CYREN: variants seen among roughly 807,000 people sequenced by gnomAD.
CYREN encodes the protein cell cycle regulator of NHEJ.
CYREN carries 7 observed loss-of-function variants against 9.7 expected under a neutral mutation model. The observed-to-expected ratio is 0.72, with a 90% CI of 0.41 to 1.36. The LOEUF is 1.36. Among genes scored for constraint, CYREN ranks in the 40% most tolerant of loss-of-function variants. CYREN has a pLI of 0.01. For synonymous variants in CYREN, 76 were observed against 77.9 expected (o/e 0.98, Z 0.13); for missense variants, 215 against 198.1 (o/e 1.09, Z -0.51).
At chr7:135,128,663 G>C in intron 2 of CYREN, 1 of 1,070,652 alleles carries the variant, frequency 9.3e-7, no homozygotes, top group South Asian at 1.3e-5. Context: ...TTAAGGAAGA[G>C]ACCCTAGTAT....
intron 2 of CYREN, among the ~76,000 whole-genome samples, chr7:135,155,541 C>T (rs1829771320): frequency 6.6e-6 from 1 of 152,118 alleles, no homozygotes; most frequent in Admixed American, 6.6e-5. Context: ...TGAATATCAA[C>T]CTTTTGGCTG....
intron 2 of CYREN, among the ~76,000 whole-genome samples, chr7:135,156,517 G>A (rs1829797851): frequency 6.6e-6 from 1 of 151,822 alleles, no homozygotes; most frequent in Non-Finnish European, 1.5e-5. Context: ...AGCATATGGT[G>A]TATTTCCTTC....
upstream of CYREN, among the ~76,000 whole-genome samples, chr7:135,172,352 G>A (rs910126111): frequency 1.3e-5 from 2 of 151,824 alleles, no homozygotes; most frequent in African/African-American, 2.4e-5. Flanking sequence ...TGAATTTTTT[G>A]GTACTCGGAT....
At chr7:135,129,613 C>T in intron 2 of CYREN, 1 of 775,670 alleles carries the variant, frequency 1.3e-6, no homozygotes, top group Non-Finnish European at 2.4e-6. Context: ...TTCACTGATC[C>T]TGCTTCAACA....
chr7:135,166,698 C>T lies in CYREN; in HGVS notation c.387G>A (p.Gly129=). The change falls in exon 4 of 4, where the codon GGG becomes GGA. Residue 129 remains glycine (G), a synonymous_variant. Transcript: ENST00000393114. ...TCCTGCTACAGGCAGAGCTGGAACCCCCCGGCCTCTGGGAAGGGCTGAGGC... is the reference window on the plus strand; with the variant it reads ...TCCTGCTACAGGCAGAGCTGGAACCTCCCGGCCTCTGGGAAGGGCTGAGGC... ...APGLSPSQRP[G]GSSSACSRSP... The T allele has an allele frequency of 6.2e-7, 1 of 1,613,046 alleles. No homozygotes were observed. The highest frequency in any genetic ancestry group is 8.5e-7 in the Non-Finnish European group (1 of 1,180,036).
chr7:135,131,059 T>C (rs1828690606), intron 2 of CYREN, among the ~76,000 whole-genome samples: 1 of 152,162 alleles, frequency 6.6e-6, no homozygotes, highest in South Asian at 2.1e-4. Flanking sequence ...GCAAGGACTA[T>C]GTTTTTGGAT....
At chr7:135,136,999 T>C (rs1217934335) in intron 2 of CYREN, among the ~76,000 whole-genome samples, 1 of 152,028 alleles carries the variant, frequency 6.6e-6, no homozygotes, top group Non-Finnish European at 1.5e-5. Context: ...CATGCCACTC[T>C]CTCATAAAAG....
chr7:135,110,791 A>G (rs190312384), intron 2 of CYREN, among the ~76,000 whole-genome samples: 30 of 152,258 alleles, frequency 2.0e-4, no homozygotes, highest in African/African-American at 6.3e-4. Context: ...CCTCCCAACC[A>G]CTTTCTTAAC....
At chr7:135,152,974 C>G (rs1046639486) in intron 2 of CYREN, 4 of 152,076 alleles carry the variant, frequency 2.6e-5, no homozygotes, top group African/African-American at 9.7e-5. Flanking sequence ...TACAAGAACA[C>G]AAACAACTCA....
intron 2 of CYREN, among the ~76,000 whole-genome samples, chr7:135,146,824 A>G (rs1198389840): frequency 6.6e-6 from 1 of 152,216 alleles, no homozygotes; most frequent in Non-Finnish European, 1.5e-5. Context: ...AGAGGAAGAA[A>G]GGGAGAGTGT....
At chr7:135,149,075 C>T (rs975038724) in intron 2 of CYREN, among the ~76,000 whole-genome samples, 12 of 152,274 alleles carry the variant, frequency 7.9e-5, no homozygotes, top group African/African-American at 2.9e-4. Flanking sequence ...AGACTCAGTC[C>T]ATGAGATATT....
chr7:135,161,093 A>G (rs1205849334), downstream of CYREN, among the ~76,000 whole-genome samples: 4 of 152,338 alleles, frequency 2.6e-5, no homozygotes, highest in East Asian at 7.7e-4. This position sits in a 1 kb window ranked among gnomAD's most constrained non-coding sequence, Gnocchi z 4.1. Flanking sequence ...GGCGAGCCTC[A>G]TAAGAGCTGG....
At chr7:135,114,125 T>G (rs1026409288) in intron 2 of CYREN, among the ~76,000 whole-genome samples, 7 of 148,378 alleles carry the variant, frequency 4.7e-5, no homozygotes, top group African/African-American at 9.9e-5. Flanking sequence ...TTGCTTACAC[T>G]GTTGGCTATT....
intron 2 of CYREN, chr7:135,129,148 T>A: frequency 6.7e-7 from 1 of 1,490,516 alleles, no homozygotes; most frequent in South Asian, 1.1e-5. Flanking sequence ...TATGACTGCC[T>A]TCTCCTCCAG....
intron 2 of CYREN, among the ~76,000 whole-genome samples, chr7:135,120,279 T>G (rs973390996): frequency 6.6e-6 from 1 of 152,220 alleles, no homozygotes; most frequent in African/African-American, 2.4e-5. Flanking sequence ...AATATTGATG[T>G]GGTTCCAAAT....
downstream of CYREN, among the ~76,000 whole-genome samples, chr7:135,162,131 T>A (rs962623483): frequency 2.0e-5 from 3 of 152,238 alleles, no homozygotes; most frequent in Non-Finnish European, 4.4e-5. Context: ...TTTCCCCACT[T>A]GGTCCCTTTC....
intron 2 of CYREN, chr7:135,115,347 A>G (rs755165667): frequency 5.2e-6 from 7 of 1,356,454 alleles, no homozygotes; most frequent in Non-Finnish European, 7.1e-6. Flanking sequence ...TAGAGTTCAT[A>G]TCTCTGTACA....
chr7:135,105,507 G>GT, intron 2 of CYREN, among the ~76,000 whole-genome samples: 1 of 152,142 alleles, frequency 6.6e-6, no homozygotes, highest in African/African-American at 2.4e-5. Context: ...CCCATTGCTT[G>GT]TTTTTGTCAG....
chr7:135,103,588 C>T (rs1824191132), intron 2 of CYREN, among the ~76,000 whole-genome samples: 1 of 152,130 alleles, frequency 6.6e-6, no homozygotes, highest in Admixed American at 6.6e-5. Flanking sequence ...TATGGAAACC[C>T]ATAATCCCTA....
Sources: gnomAD v4.1 joint callset for allele counts (sites outside exome capture counted in the v4.1 genomes callset) on GRCh38, gnomAD v4.1.1 for gene constraint, Gnocchi (gnomAD v3.1) non-coding constraint, MANE v1.5 for transcripts, NCBI Gene and HGNC (gene_info 2026-07-23, HGNC 2026-07-21) for gene names.